Variants in CACNA1A observed in about 807,000 individuals in gnomAD.
CACNA1A encodes the protein calcium voltage-gated channel subunit alpha1 A.
In CACNA1A, 57 loss-of-function variants were observed where a neutral mutation model predicts 262.4. The observed-to-expected ratio is 0.22, with a 90% confidence interval of 0.18 to 0.27. CACNA1A has a LOEUF of 0.27. Among genes scored for constraint, CACNA1A ranks in the 10% least tolerant of loss-of-function variants. The pLI, the probability that CACNA1A is intolerant of heterozygous loss-of-function variation, is 1.00. For missense variants in CACNA1A, 2,526 were observed against 3,562.8 expected, an observed-to-expected ratio of 0.71 and a Z score of 7.41; for synonymous variants, 1,431 against 1,419.3, an observed-to-expected ratio of 1.01 and a Z score of -0.18.
chr19:13,348,692 T>C (rs921723061), intron 6 of CACNA1A, among the ~76,000 whole-genome samples: 3 of 152,076 alleles, frequency 2.0e-5, no homozygotes, highest in South Asian at 4.2e-4. Flanking sequence ...AAAAATTAGC[T>C]GGGCGTGTTG....
At chr19:13,227,800 A>C in intron 36 of CACNA1A, 3 of 205,488 alleles carry the variant, frequency 1.5e-5, no homozygotes, top group South Asian at 1.5e-4. Flanking sequence ...GAAAAGAGAA[A>C]AGTCAGATTC....
intron 31 of CACNA1A, among the ~76,000 whole-genome samples, chr19:13,239,222 T>TTCGGCTGTCTCCAGGCCAGCCTTTC (rs1258017344): frequency 1.3e-5 from 2 of 152,086 alleles, no homozygotes; most frequent in East Asian, 3.9e-4. Context: ...TTCTGCCTTC[T>TTCGGCTGTCTCCAGGCCAGCCTTTC]TCGGCTGTCT....
At chr19:13,428,185 C>T (rs941914573) in intron 3 of CACNA1A, among the ~76,000 whole-genome samples, 1 of 152,186 alleles carries the variant, frequency 6.6e-6, no homozygotes, top group Non-Finnish European at 1.5e-5. Flanking sequence ...GCCTTGGCCT[C>T]ACGACGTGCT....
chr19:13,488,171 T>C (rs913794117), intron 1 of CACNA1A, among the ~76,000 whole-genome samples: 7 of 151,972 alleles, frequency 4.6e-5, no homozygotes, highest in East Asian at 3.9e-4. Context: ...AGAAGGGAGC[T>C]TGTGGTTCAG....
chr19:13,359,777 C>T lies in CACNA1A; in HGVS notation c.807G>A (p.Pro269=), dbSNP rs772730357. The T allele has an allele frequency of 2.3e-5, 35 of 1,533,328 alleles. No individual in the cohort carries two copies. The highest frequency in any genetic ancestry group is 1.0e-4 in the Admixed American group (5 of 50,182). The allele number at this position is 1,533,328 out of a possible 1,614,324, so 95.0% of individuals were successfully genotyped here. ...CGGGCTCTTCTGTCCCACATGGAGC[C>T]GGAGACTCACCCTGAATGTCATCTA... is the stretch of plus-strand genomic sequence containing the variant. The part of the protein sequence containing the change: ...EGTDDIQGES[P]APCGTEEPAR... The change falls in exon 6 of 47, where the codon CCG becomes CCA. Residue 269 remains proline, a synonymous_variant. Transcript: ENST00000360228.
Position 13,327,954 on chromosome 19 carries a change from A to G in CACNA1A, c.1345+2290T>C, listed in dbSNP as rs116426784. ...CACTCTGTTGCCCACGTTGCAGTGC[A>G]GTGGCACAATCATAGCTCACTGCAA... On this transcript the variant is annotated intron_variant, in intron 10 of 46. Coordinates refer to ENST00000360228, the MANE Select transcript of CACNA1A (RefSeq NM_001127222.2). 4.7e-3 allele frequency among the ~76,000 whole-genome samples: 711 copies of G among 152,344 alleles called. 6 individuals are homozygous for G. The highest frequency in any genetic ancestry group is 0.015 in the African/African-American group (639 of 41,572).
intron 1 of CACNA1A, among the ~76,000 whole-genome samples, chr19:13,484,002 T>C (rs1599355278): frequency 6.6e-6 from 1 of 152,172 alleles, no homozygotes; most frequent in Non-Finnish European, 1.5e-5. Flanking sequence ...AGCACCTCAG[T>C]AGGGAAATTA....
chr19:13,357,830 C>G (rs1050349682), intron 6 of CACNA1A, among the ~76,000 whole-genome samples: 1 of 151,698 alleles, frequency 6.6e-6, no homozygotes, highest in Non-Finnish European at 1.5e-5. Context: ...ATAGTGAGAC[C>G]CCATCTCTAT....
intron 3 of CACNA1A, among the ~76,000 whole-genome samples, chr19:13,445,208 G>A (rs949941964): frequency 6.6e-6 from 1 of 151,952 alleles, no homozygotes; most frequent in Non-Finnish European, 1.5e-5. Flanking sequence ...GATGGTTCCT[G>A]TGTAGTTGTG....
chr19:13,214,053 G>T lies in CACNA1A; in HGVS notation c.5940+180C>A. Reference sequence around the variant, plus strand: ...GGGTGGTCTCATCCTGGTCTCAAACGATCCCTCTGCCCTGGCCTCTCAAAG... The same window carrying T: ...GGGTGGTCTCATCCTGGTCTCAAACTATCCCTCTGCCCTGGCCTCTCAAAG... On this transcript the variant is annotated intron_variant, in intron 40 of 46. Transcript: ENST00000360228. The surrounding 1 kb of genome is among the most constrained non-coding windows in gnomAD (Gnocchi z 4.1). 6 of 592,754 alleles carry T rather than the reference G, an allele frequency of 1.0e-5. No individual in the cohort carries two copies. Among genetic ancestry groups the T allele is most frequent in the Middle Eastern group, 4.0e-4 (1 of 2,516 alleles). The allele number at this position is 592,754 out of a possible 1,614,324, so 36.7% of individuals were successfully genotyped here.
chr19:13,414,536 G>T lies in CACNA1A; in HGVS notation c.539+38340C>A, dbSNP rs138497653. Among the ~76,000 whole-genome samples, 8 of 152,304 alleles carry T rather than the reference G, an allele frequency of 5.3e-5. No homozygotes were observed. In the East Asian group the frequency reaches 1.5e-3, roughly 29 times the overall value. ...GCACAAGAAAGGTGTCATCTAGATG[G>T]ACAGAAGACCCTCATGATCCCATGA... On this transcript the variant is annotated intron_variant, in intron 3 of 46. Transcript: ENST00000360228.
chr19:13,268,924 A>C (rs1437935867), intron 24 of CACNA1A, among the ~76,000 whole-genome samples: 1 of 112,712 alleles, frequency 8.9e-6, no homozygotes, highest in Non-Finnish European at 1.8e-5. Context: ...TTTTTGATGG[A>C]TTCTCACTCT....
At chr19:13,285,232 G>A in intron 20 of CACNA1A, 26 bp from the exon 21 acceptor site, 1 of 1,612,844 alleles carries the variant, frequency 6.2e-7, no homozygotes, top group Admixed American at 1.7e-5. Flanking sequence ...CCAACACAGG[G>A]CTCCCTCCAC....
At chr19:13,304,659 CAAAA>C (rs34159456) in intron 15 of CACNA1A, among the ~76,000 whole-genome samples, 61 of 103,438 alleles carry the variant, frequency 5.9e-4, no homozygotes, top group South Asian at 2.5e-3. Flanking sequence ...ATTTTTGTCT[CAAAA>C]AAAAAAAAAA....
At chr19:13,447,349 CAGGAAACT>C (rs1396960123) in intron 3 of CACNA1A, among the ~76,000 whole-genome samples, 2 of 152,144 alleles carry the variant, frequency 1.3e-5, no homozygotes, top group Non-Finnish European at 2.9e-5. Context: ...CATCAGATGA[CAGGAAACT>C]AGAAGAAAGG....
At chr19:13,482,124 A>G (rs1979397521) in intron 1 of CACNA1A, among the ~76,000 whole-genome samples, 2 of 152,170 alleles carry the variant, frequency 1.3e-5, no homozygotes, top group South Asian at 4.1e-4. Context: ...AAGAGAGCAG[A>G]TACTGGCATG....
chr19:13,344,040 T>A (rs1455517751), intron 6 of CACNA1A, among the ~76,000 whole-genome samples: 1 of 151,766 alleles, frequency 6.6e-6, no homozygotes, highest in Non-Finnish European at 1.5e-5. Flanking sequence ...TGAGACCCCA[T>A]CTCTAAAAAA....
At chr19:13,388,830 C>T (rs2059664028) in intron 3 of CACNA1A, among the ~76,000 whole-genome samples, 1 of 152,192 alleles carries the variant, frequency 6.6e-6, no homozygotes, top group Non-Finnish European at 1.5e-5. Flanking sequence ...CTATTTTTAA[C>T]TGACATAAGC....
At chr19:13,216,312 G>C (rs1600098133) in intron 38 of CACNA1A, among the ~76,000 whole-genome samples, 2 of 152,066 alleles carry the variant, frequency 1.3e-5, no homozygotes, top group African/African-American at 2.4e-5. Flanking sequence ...TGCCACTTTG[G>C]GGCCAGAGCA....
Sources: gnomAD v4.1 joint callset for allele counts (sites outside exome capture counted in the v4.1 genomes callset) on GRCh38, gnomAD v4.1.1 for gene constraint, Gnocchi (gnomAD v3.1) non-coding constraint, MANE v1.5 for transcripts, NCBI Gene and HGNC (gene_info 2026-07-23, HGNC 2026-07-21) for gene names.